Variants in SESN1 observed in about 807,000 individuals in gnomAD.
The protein encoded by SESN1 is sestrin 1.
In SESN1, 30 loss-of-function variants were observed where a neutral mutation model predicts 59.3. That is an observed-to-expected ratio of 0.51 (90% confidence interval 0.38 to 0.69). The LOEUF is 0.69. Among genes scored for constraint, SESN1 ranks in the 30% least tolerant of loss-of-function variants. SESN1 has a pLI of 0.00. For missense variants in SESN1, 566 were observed against 673.0 expected, an observed-to-expected ratio of 0.84 and a Z score of 1.76; for synonymous variants, 197 against 219.9, an observed-to-expected ratio of 0.90 and a Z score of 0.92.
At chr6:109,019,531 A>G (rs1380703259) in intron 1 of SESN1, among the ~76,000 whole-genome samples, 1 of 152,238 alleles carries the variant, frequency 6.6e-6, no homozygotes, top group African/African-American at 2.4e-5. Context: ...GGTCTAGTCT[A>G]TAACCTAAAG....
At chr6:109,067,638 C>T (rs1388378401) in intron 1 of SESN1, among the ~76,000 whole-genome samples, 1 of 152,184 alleles carries the variant, frequency 6.6e-6, no homozygotes, top group Admixed American at 6.5e-5. Flanking sequence ...CACACTTCCT[C>T]AGGACTCTCA....
chr6:109,031,537 G>C (rs1015534668), intron 1 of SESN1, among the ~76,000 whole-genome samples: 6 of 152,096 alleles, frequency 3.9e-5, no homozygotes, highest in Admixed American at 6.5e-5. Flanking sequence ...TCAGCCTAAA[G>C]TTAGAAGTCA....
At chr6:109,034,780 G>C (rs1448615245) in intron 1 of SESN1, among the ~76,000 whole-genome samples, 2 of 152,208 alleles carry the variant, frequency 1.3e-5, no homozygotes, top group Non-Finnish European at 2.9e-5. Context: ...GGCCAGAGCT[G>C]GAGCTGTCTT....
At chr6:108,998,907 C>A in intron 4 of SESN1, 152 bp from the exon 5 acceptor site, 1 of 855,494 alleles carries the variant, frequency 1.2e-6, no homozygotes, top group Non-Finnish European at 1.7e-6. Context: ...CCAGAATTTG[C>A]TAATTTTTAT....
rs891388499 is a variant in SESN1, at chr6:108,986,897, C to G, written c.*647G>C. 1.3e-5 allele frequency: 2 copies of G among 152,280 alleles called. No individual in the cohort carries two copies. The highest frequency in any genetic ancestry group is 4.8e-5 in the African/African-American group (2 of 41,436). 9.4% of individuals were successfully genotyped at this position (152,280 alleles called of 1,614,324 possible). ...TAAGAATGCCATTTTAATTTAATATCCAGAACCCTGAATTTAAAAAACTAA... is the reference window on the plus strand; with the variant it reads ...TAAGAATGCCATTTTAATTTAATATGCAGAACCCTGAATTTAAAAAACTAA... On this transcript the variant is annotated 3_prime_UTR_variant, in exon 10 of 10. Transcript: ENST00000436639.
At chr6:109,057,336 T>C (rs1463273623) in intron 1 of SESN1, among the ~76,000 whole-genome samples, 1 of 152,238 alleles carries the variant, frequency 6.6e-6, no homozygotes, top group Non-Finnish European at 1.5e-5. Context: ...ACAGACTTTT[T>C]ACAACCTTGA....
chr6:109,067,553 G>A (rs1413395513), intron 1 of SESN1, among the ~76,000 whole-genome samples: 1 of 152,166 alleles, frequency 6.6e-6, no homozygotes, highest in African/African-American at 2.4e-5. Context: ...TATGGCTATA[G>A]CTTTGTGTTA....
chr6:109,045,502 A>G (rs1309010023), intron 1 of SESN1, among the ~76,000 whole-genome samples: 3 of 152,222 alleles, frequency 2.0e-5, no homozygotes, highest in African/African-American at 7.2e-5. Context: ...CTCCAATGAT[A>G]CTGAGTTCAA....
At chr6:109,047,377 C>A (rs1780467743) in intron 1 of SESN1, among the ~76,000 whole-genome samples, 1 of 136,076 alleles carries the variant, frequency 7.3e-6, no homozygotes, top group African/African-American at 2.7e-5. Flanking sequence ...CCAGCCGCCC[C>A]GTCCGGGAGG....
intron 1 of SESN1, among the ~76,000 whole-genome samples, chr6:109,071,976 G>A (rs973810943): frequency 6.6e-6 from 1 of 152,170 alleles, no homozygotes; most frequent in Non-Finnish European, 1.5e-5. Flanking sequence ...AAAAATGCAA[G>A]TGAGTACACA....
At chr6:109,007,785 C>CT (rs3083610) in intron 1 of SESN1, among the ~76,000 whole-genome samples, 1,256 of 103,186 alleles carry the variant, frequency 0.012, 13 homozygotes, top group South Asian at 0.019. Context: ...AGTCCAGGTA[C>CT]TTTTTTTTTT....
At chr6:109,035,827 C>G (rs1054994767) in intron 1 of SESN1, among the ~76,000 whole-genome samples, 1 of 152,098 alleles carries the variant, frequency 6.6e-6, no homozygotes, top group Non-Finnish European at 1.5e-5. Flanking sequence ...AGGCTGGTCT[C>G]AAACTCCTGG....
At chr6:109,032,981 T>C (rs1301562717) in intron 1 of SESN1, among the ~76,000 whole-genome samples, 3 of 152,168 alleles carry the variant, frequency 2.0e-5, no homozygotes, top group Non-Finnish European at 4.4e-5. Flanking sequence ...AGATGAATCA[T>C]AATTCCAGCC....
chr6:109,077,003 C>T (rs75219078), intron 1 of SESN1, among the ~76,000 whole-genome samples: 3 of 152,202 alleles, frequency 2.0e-5, no homozygotes, highest in Admixed American at 2.0e-4. Flanking sequence ...TGCTCCTAGG[C>T]TGCGAACTTC....
rs750711133 is a variant in SESN1 at position 108,992,843 on chromosome 6, A to G, written c.1177T>C (p.Tyr393His). The G allele has an allele frequency of 1.2e-6, 2 of 1,613,784 alleles. No homozygotes were observed. Among genetic ancestry groups the G allele is most frequent in the South Asian group, 2.2e-5 (2 of 91,022 alleles). Reference sequence around the variant, plus strand: ...TGTCTAGAGAAATCTTTATAGCCATAACTAGTATCCTCAAAATGACGAGAT... The same window carrying G: ...TGTCTAGAGAAATCTTTATAGCCATGACTAGTATCCTCAAAATGACGAGAT... The part of the protein sequence containing the change: ...AVSRHFEDTS[Y>H]GYKDFSRHGM... The change falls in exon 7 of 10, where the codon TAT becomes CAT. Residue 393 changes from tyrosine to histidine, a missense_variant. Physicochemically the swap from Tyr to His is moderately conservative, Grantham distance 83. Coordinates refer to ENST00000436639, the MANE Select transcript of SESN1 (RefSeq NM_014454.3).
chr6:109,091,196 C>G (rs1781312781), intron 1 of SESN1, among the ~76,000 whole-genome samples: 1 of 152,150 alleles, frequency 6.6e-6, no homozygotes, highest in African/African-American at 2.4e-5. Context: ...TGTTTAGATA[C>G]ACAAATACTT....
intron 1 of SESN1, among the ~76,000 whole-genome samples, chr6:109,020,970 A>T (rs1191975553): frequency 1.3e-5 from 2 of 152,194 alleles, no homozygotes; most frequent in Non-Finnish European, 2.9e-5. Flanking sequence ...TATCATTAAT[A>T]ATCTCCTTCA....
chr6:108,993,033 T>C, intron 6 of SESN1, 134 bp from the exon 7 acceptor site: 2 of 599,270 alleles, frequency 3.3e-6, no homozygotes, highest in South Asian at 4.3e-5. Context: ...AGTCTTACAA[T>C]TATACAAAGT....
At chr6:109,090,387 G>A (rs1353102290) in intron 1 of SESN1, among the ~76,000 whole-genome samples, 1 of 152,152 alleles carries the variant, frequency 6.6e-6, no homozygotes, top group Non-Finnish European at 1.5e-5. Flanking sequence ...CCTCCACACA[G>A]TTGAAAATCT....
Sources: allele counts gnomAD v4.1 joint callset (sites outside exome capture counted in the v4.1 genomes callset), GRCh38; gene constraint gnomAD v4.1.1; transcripts MANE v1.5; gene names NCBI Gene and HGNC (gene_info 2026-07-23, HGNC 2026-07-21).